Variants in UBR3 observed in about 807,000 individuals in gnomAD.
UBR3 encodes the protein E3 ubiquitin-protein ligase UBR3.
A neutral mutation model predicts 243.2 loss-of-function variants in UBR3; 85 were observed. That is an observed-to-expected ratio of 0.35 (90% CI 0.29 to 0.42). The LOEUF (loss-of-function observed/expected upper bound fraction) is 0.42, where lower values mean the gene tolerates loss of function less well. Among genes scored for constraint, UBR3 ranks in the 10% least tolerant of loss-of-function variants. UBR3 has a pLI of 1.00. For synonymous variants in UBR3, 748 were observed against 799.8 expected, an observed-to-expected ratio of 0.94 and a Z score of 1.09; for missense variants, 1,686 against 2,300.8, an observed-to-expected ratio of 0.73 and a Z score of 5.47.
chr2:170,060,992 TTTTAC>T, intron 33 of UBR3, 82 bp from the exon 34 acceptor site: 1 of 913,068 alleles, frequency 1.1e-6, no homozygotes, highest in Non-Finnish European at 1.6e-6. Flanking sequence ...ATAATCACAG[TTTTAC>T]TCTACTCATT....
chr2:169,922,814 T>A (rs2085758689), intron 11 of UBR3, among the ~76,000 whole-genome samples: 1 of 152,192 alleles, frequency 6.6e-6, no homozygotes, highest in African/African-American at 2.4e-5. Flanking sequence ...CTTTTATTTA[T>A]TAGAACAAAT....
At chr2:169,985,224 C>CTTTTTTTTTTTTTTTTTTTTTTTTTT (rs71006060) in intron 24 of UBR3, among the ~76,000 whole-genome samples, 2 of 113,122 alleles carry the variant, frequency 1.8e-5, no homozygotes, top group South Asian at 2.8e-4. Context: ...CAACTCTTTT[C>CTTTTTTTTTTTTTTTTTTTTTTTTTT]TTTTTTTTTT....
chr2:169,859,727 T>G (rs1419475616), intron 1 of UBR3, among the ~76,000 whole-genome samples: 2 of 150,374 alleles, frequency 1.3e-5, no homozygotes. Flanking sequence ...TTTATTTATT[T>G]ATTTTTGAGA....
intron 1 of UBR3, among the ~76,000 whole-genome samples, chr2:169,857,122 A>G (rs1366000215): frequency 1.0e-4 from 11 of 109,824 alleles, no homozygotes; most frequent in Admixed American, 1.4e-4. Flanking sequence ...CTCCCAGGCT[A>G]GAGTGCAGTG....
rs1353038023 is a variant in UBR3, at chr2:170,080,584, T to C, written c.5449T>C (p.Leu1817=). 1 of 1,613,910 alleles carries C rather than the reference T, an allele frequency of 6.2e-7. No homozygotes were observed. Among genetic ancestry groups the C allele is most frequent in the Admixed American group, 1.7e-5 (1 of 60,026 alleles). ...TGGTGCAGGAACAGGTATTTTCCTT[T>C]TGATCAATGCATCGGTAATTATCAT... ...NCGAGTGIFL[L]INASVIIIIR... Residue 1817 remains leucine (L), a synonymous_variant, in exon 38 of 39, where the codon TTG becomes CTG. Coordinates refer to ENST00000272793, the MANE Select transcript of UBR3 (RefSeq NM_172070.4).
intron 8 of UBR3, among the ~76,000 whole-genome samples, chr2:169,904,075 T>A (rs777587400): frequency 6.6e-6 from 1 of 152,176 alleles, no homozygotes; most frequent in Non-Finnish European, 1.5e-5. Flanking sequence ...TAAAGCAATC[T>A]GAGTGTAAAA....
At chr2:170,009,266 A>G (rs895580720) in intron 29 of UBR3, among the ~76,000 whole-genome samples, 3 of 152,182 alleles carry the variant, frequency 2.0e-5, no homozygotes, top group African/African-American at 4.8e-5. Context: ...AATACTGAGA[A>G]CTAAAACGTT....
At chr2:170,029,128 G>GT (rs1200484226) in intron 30 of UBR3, among the ~76,000 whole-genome samples, 1 of 152,012 alleles carries the variant, frequency 6.6e-6, no homozygotes, top group African/African-American at 2.4e-5. Context: ...TTAAGATTGA[G>GT]TCTAAGGACA....
chr2:170,062,208 GAT>G (rs1559228239), intron 35 of UBR3, among the ~76,000 whole-genome samples: 1 of 152,186 alleles, frequency 6.6e-6, no homozygotes, highest in African/African-American at 2.4e-5. Context: ...ACTGTGGATT[GAT>G]ATGAGTGGGC....
rs2081780879 is a variant in UBR3 at position 169,827,564 on chromosome 2, G to A, written c.57G>A (p.Leu19=). ...VGGQQPSQPE[L]PAPGLALDKA... ...GCCAGCAGCCGTCACAGCCCGAGCT[G>A]CCCGCGCCGGGGCTGGCCCTAGACA... Residue 19 remains leucine, a synonymous_variant, in exon 1 of 39, where the codon CTG becomes CTA. Coordinates refer to ENST00000272793, the MANE Select transcript of UBR3 (RefSeq NM_172070.4). The A allele has an allele frequency of 1.6e-6, 2 of 1,235,558 alleles. No individual in the cohort carries two copies. Among genetic ancestry groups the A allele is most frequent in the African/African-American group, 3.1e-5 (2 of 64,036 alleles). The allele number at this position is 1,235,558 out of a possible 1,614,324, so 76.5% of individuals were successfully genotyped here.
At chr2:170,010,122 T>C (rs780530795) in intron 29 of UBR3, among the ~76,000 whole-genome samples, 1 of 152,170 alleles carries the variant, frequency 6.6e-6, no homozygotes, top group Non-Finnish European at 1.5e-5. Flanking sequence ...TCCTAGCCTC[T>C]TGTTTATCTA....
Position 169,896,566 on chromosome 2 carries a change from A to G in UBR3, c.1296A>G (p.Lys432=). 5.8e-6 allele frequency: 9 copies of G among 1,550,442 alleles called. No individual in the cohort carries two copies. Among genetic ancestry groups the G allele is most frequent in the African/African-American group, 1.4e-5 (1 of 73,156 alleles). The part of the protein sequence containing the change: ...HYAFIMKTLK[K]SHESDTMSNR... The stretch of plus-strand genomic sequence containing the variant: ...CTTTCATTATGAAAACACTGAAGAA[A>G]AGTCATGAATCAGACACAATGTCTA... Residue 432 remains lysine, a synonymous_variant, in exon 8 of 39, where the codon AAA becomes AAG. Coordinates refer to ENST00000272793, the MANE Select transcript of UBR3 (RefSeq NM_172070.4).
chr2:169,975,908 TC>T (rs1454039984), intron 24 of UBR3, among the ~76,000 whole-genome samples: 2 of 151,628 alleles, frequency 1.3e-5, no homozygotes, highest in African/African-American at 4.9e-5. Flanking sequence ...ATATATATAT[TC>T]TCTTTTTGAA....
At chr2:169,867,271 T>C (rs2083292526) in intron 1 of UBR3, among the ~76,000 whole-genome samples, 1 of 152,188 alleles carries the variant, frequency 6.6e-6, no homozygotes. Context: ...GTTTCCCTTC[T>C]CCAAAATAGT....
intron 20 of UBR3, among the ~76,000 whole-genome samples, chr2:169,944,293 T>C (rs949047666): frequency 2.6e-5 from 4 of 152,182 alleles, no homozygotes; most frequent in African/African-American, 9.6e-5. Context: ...TTTTAGAAGT[T>C]AAATAACTAG....
At chr2:170,079,766 G>A (rs373421094) in intron 36 of UBR3, 48 bp from the exon 37 acceptor site, 44 of 1,487,324 alleles carry the variant, frequency 3.0e-5, no homozygotes, top group African/African-American at 1.4e-5. Context: ...TATTGTGTTA[G>A]TGACTTAAAT....
intron 19 of UBR3, among the ~76,000 whole-genome samples, chr2:169,941,131 G>A (rs549718379): frequency 9.2e-5 from 14 of 152,140 alleles, no homozygotes; most frequent in Non-Finnish European, 1.5e-4. Context: ...CCATGTCACA[G>A]TGCTTACCAT....
chr2:169,847,300 CCTT>C (rs755083330), intron 1 of UBR3, among the ~76,000 whole-genome samples: 1 of 151,970 alleles, frequency 6.6e-6, no homozygotes, highest in Non-Finnish European at 1.5e-5. Flanking sequence ...CTCTTTTATG[CCTT>C]CTTCAGACTT....
Position 170,050,606 on chromosome 2 carries a change from G to A in UBR3, c.4661-4854G>A, listed in dbSNP as rs78375715. 9.2e-3 allele frequency among the ~76,000 whole-genome samples: 1,399 copies of A among 152,148 alleles called. 24 individuals are homozygous for A. Among genetic ancestry groups the A allele is most frequent in the African/African-American group, 0.032 (1,309 of 41,522 alleles). On this transcript the variant is annotated intron_variant, in intron 32 of 38. Coordinates refer to ENST00000272793, the MANE Select transcript of UBR3 (RefSeq NM_172070.4). Reference sequence around the variant, plus strand: ...GATAGTTTTTTTTGTTGTTATTGTAGTTTTTAAACACATTGACTTAGATTA... The same window carrying A: ...GATAGTTTTTTTTGTTGTTATTGTAATTTTTAAACACATTGACTTAGATTA...
Sources: gnomAD v4.1 joint callset for allele counts (sites outside exome capture counted in the v4.1 genomes callset) on GRCh38, gnomAD v4.1.1 for gene constraint, MANE v1.5 for transcripts, NCBI Gene and HGNC (gene_info 2026-07-23, HGNC 2026-07-21) for gene names.